GPC5: variants seen among roughly 807,000 people sequenced by gnomAD.
GPC5 encodes the protein glypican 5, also known as glypican-5.
Under a neutral mutation model 53.9 loss-of-function variants are expected in GPC5, and 47 were observed. The ratio of observed to expected loss-of-function variants is 0.87; its 90% CI spans 0.69 to 1.11. The LOEUF is 1.11. GPC5 is among the 50% of genes most tolerant of loss of function. GPC5 has a pLI of 0.00. For missense variants in GPC5, 748 were observed against 713.1 expected (o/e 1.05, Z -0.56); for synonymous variants, 286 against 263.3 (o/e 1.09, Z -0.84).
At chr13:92,470,563 A>G (rs1222497379) in intron 7 of GPC5, among the ~76,000 whole-genome samples, 1 of 152,138 alleles carries the variant, frequency 6.6e-6, no homozygotes, top group Non-Finnish European at 1.5e-5. Context: ...GGCAAACTAT[A>G]ATAAGAAAGC....
Position 91,481,553 on chromosome 13 carries a change from GCTCAGAGGTAT to G in GPC5, c.325+32632_325+32642del, listed in dbSNP as rs373406093. On this transcript the variant is annotated intron_variant, in intron 2 of 7. Coordinates refer to ENST00000377067, the MANE Select transcript of GPC5 (RefSeq NM_004466.6). ...CTACCATGGGTTTGGGTTAAGGGAG[GCTCAGAGGTAT>G]GACTAGAGTCAAATTCCTGGCGATG... 1.5e-4 allele frequency among the ~76,000 whole-genome samples: 23 copies of G among 152,266 alleles called. No homozygotes were observed. The East Asian group carries it at 4.4e-3, about 29-fold the overall frequency.
chr13:92,599,919 A>G (rs1250561125), intron 7 of GPC5, among the ~76,000 whole-genome samples: 3 of 152,216 alleles, frequency 2.0e-5, no homozygotes, highest in Non-Finnish European at 4.4e-5. Flanking sequence ...ATGATGTTGT[A>G]CAATCATCGC....
intron 7 of GPC5, among the ~76,000 whole-genome samples, chr13:92,809,916 C>A (rs1384591308): frequency 1.3e-5 from 2 of 152,028 alleles, no homozygotes; most frequent in African/African-American, 4.8e-5. Context: ...GTGTGTGTCA[C>A]TCTGTAATAG....
intron 2 of GPC5, among the ~76,000 whole-genome samples, chr13:91,522,261 C>T (rs2139371571): frequency 1.3e-5 from 2 of 152,270 alleles, no homozygotes; most frequent in East Asian, 3.9e-4. Context: ...ACTCTCTAAA[C>T]GTGCCTTGGT....
At chr13:92,446,689 T>C (rs1285517132) in intron 7 of GPC5, 1 of 152,154 alleles carries the variant, frequency 6.6e-6, no homozygotes, top group Admixed American at 6.6e-5. Context: ...TATTTTGAGT[T>C]TTGTGAGGAA....
intron 5 of GPC5, among the ~76,000 whole-genome samples, chr13:91,832,209 C>T (rs1241839823): frequency 6.6e-6 from 1 of 151,458 alleles, no homozygotes; most frequent in Non-Finnish European, 1.5e-5. Context: ...TTTACCAATG[C>T]AACTTCAATG....
intron 7 of GPC5, among the ~76,000 whole-genome samples, chr13:92,293,636 G>T (rs943777679): frequency 2.0e-5 from 3 of 151,982 alleles, no homozygotes; most frequent in African/African-American, 7.3e-5. Flanking sequence ...CATATTGTCA[G>T]CAAACAGCGA....
chr13:92,762,754 C>T (rs1875237386), intron 7 of GPC5, among the ~76,000 whole-genome samples: 1 of 152,058 alleles, frequency 6.6e-6, no homozygotes, highest in South Asian at 2.1e-4. Flanking sequence ...AGTTTGTCTT[C>T]ACTCTTCTTC....
intron 7 of GPC5, among the ~76,000 whole-genome samples, chr13:92,625,187 G>C (rs1033467837): frequency 1.3e-5 from 2 of 152,116 alleles, no homozygotes; most frequent in Admixed American, 1.3e-4. Flanking sequence ...TTGAATACAA[G>C]TTTACTAATA....
chr13:91,479,382 A>G (rs1400048868), intron 2 of GPC5, among the ~76,000 whole-genome samples: 1 of 152,150 alleles, frequency 6.6e-6, no homozygotes, highest in Non-Finnish European at 1.5e-5. Flanking sequence ...AGCATAATAT[A>G]TGTCAGTAGA....
intron 7 of GPC5, among the ~76,000 whole-genome samples, chr13:92,808,106 C>A (rs563559675): frequency 1.8e-3 from 275 of 152,130 alleles, no homozygotes; most frequent in African/African-American, 6.1e-3. Context: ...AGTACATACC[C>A]TGTTCCACTA....
At chr13:92,773,632 A>G (rs57660170) in intron 7 of GPC5, among the ~76,000 whole-genome samples, 26,136 of 152,186 alleles carry the variant, frequency 0.17, 2,412 homozygotes, top group African/African-American at 0.22. Context: ...ATACCAGCTT[A>G]TTAGGCCTTC....
chr13:92,603,198 A>T (rs1884139668), intron 7 of GPC5, among the ~76,000 whole-genome samples: 1 of 152,200 alleles, frequency 6.6e-6, no homozygotes, highest in Admixed American at 6.5e-5. Context: ...GTTTCCAAGA[A>T]CTGGCCAAAG....
At chr13:92,728,048 G>GT (rs1224452954) in intron 7 of GPC5, among the ~76,000 whole-genome samples, 1 of 151,374 alleles carries the variant, frequency 6.6e-6, no homozygotes. Context: ...GGACTATGGT[G>GT]TTTTAAAAAT....
intron 7 of GPC5, among the ~76,000 whole-genome samples, chr13:92,772,228 C>T (rs890208344): frequency 6.6e-6 from 1 of 152,136 alleles, no homozygotes; most frequent in African/African-American, 2.4e-5. Flanking sequence ...CCCAGAAATG[C>T]TACAGTGATT....
At chr13:91,716,401 C>T (rs1269119316) in intron 3 of GPC5, among the ~76,000 whole-genome samples, 4 of 152,168 alleles carry the variant, frequency 2.6e-5, no homozygotes, top group Non-Finnish European at 5.9e-5. Context: ...ATTGGTTTCT[C>T]ATACCTTGAC....
At chr13:91,764,855 T>C (rs986872888) in intron 5 of GPC5, among the ~76,000 whole-genome samples, 3 of 152,196 alleles carry the variant, frequency 2.0e-5, no homozygotes, top group Non-Finnish European at 4.4e-5. Context: ...TCTTTGTGAC[T>C]GGTAATTTTA....
intron 7 of GPC5, among the ~76,000 whole-genome samples, chr13:92,571,717 G>T (rs1449266498): frequency 1.3e-5 from 2 of 151,926 alleles, no homozygotes; most frequent in Non-Finnish European, 2.9e-5. Flanking sequence ...TCCAAATATG[G>T]CAAACTCATT....
chr13:91,812,337 T>G (rs1210005294), intron 5 of GPC5, among the ~76,000 whole-genome samples: 1 of 152,142 alleles, frequency 6.6e-6, no homozygotes, highest in Non-Finnish European at 1.5e-5. Context: ...TTTGTTGCTT[T>G]GAAAGTATGG....
Sources: gnomAD v4.1 joint callset for allele counts (sites outside exome capture counted in the v4.1 genomes callset) on GRCh38, gnomAD v4.1.1 for gene constraint, MANE v1.5 for transcripts, NCBI Gene and HGNC (gene_info 2026-07-23, HGNC 2026-07-21) for gene names.